The following ERI1 variants were observed in gnomAD, a reference collection of about 807,000 sequenced individuals.
ERI1 encodes the protein exoribonuclease 1.
Under a neutral mutation model 39.7 loss-of-function variants are expected in ERI1, and 39 were observed. The ratio of observed to expected loss-of-function variants is 0.98; its 90% CI spans 0.76 to 1.28. The LOEUF (loss-of-function observed/expected upper bound fraction) is 1.28, where lower values mean the gene tolerates loss of function less well. Ranked by LOEUF, ERI1 falls within the 50% of genes most tolerant of loss-of-function variation. ERI1 has a pLI of 0.00. For missense variants in ERI1, 581 were observed against 416.9 expected (o/e 1.39, Z -3.43); for synonymous variants, 204 against 149.6 (o/e 1.36, Z -2.65).
At chr8:9,014,001 A>C (rs997689513) in intron 3 of ERI1, among the ~76,000 whole-genome samples, 5 of 152,166 alleles carry the variant, frequency 3.3e-5, no homozygotes, top group Admixed American at 2.6e-4. Context: ...ACCAGTTCTC[A>C]AAAAACTGGC....
chr8:9,066,636 A>G (rs1485142145), intron 3 of ERI1, among the ~76,000 whole-genome samples: 2 of 152,236 alleles, frequency 1.3e-5, no homozygotes, highest in Non-Finnish European at 2.9e-5. Flanking sequence ...ATGTTCAGTT[A>G]TGAGTGCCGG....
At chr8:9,045,961 G>A (rs1231440110) in intron 3 of ERI1, among the ~76,000 whole-genome samples, 1 of 152,176 alleles carries the variant, frequency 6.6e-6, no homozygotes, top group Non-Finnish European at 1.5e-5. Flanking sequence ...TTACAGGTGT[G>A]AGCCACTGCA....
intron 3 of ERI1, among the ~76,000 whole-genome samples, chr8:9,083,947 C>T (rs1481219015): frequency 6.6e-6 from 1 of 152,178 alleles, no homozygotes; most frequent in Non-Finnish European, 1.5e-5. Context: ...GCACCTGCCA[C>T]CATGCCCGGC....
At chr8:9,098,735 T>A (rs968832306) in intron 3 of ERI1, among the ~76,000 whole-genome samples, 5 of 151,422 alleles carry the variant, frequency 3.3e-5, no homozygotes, top group South Asian at 4.1e-4. Flanking sequence ...AAAAAAAAAT[T>A]TTTAATAAAG....
rs777190394 is a variant in ERI1 at position 9,018,291 on chromosome 8, C to T, written c.583-6C>T. 52 of 1,574,994 alleles carry T rather than the reference C, an allele frequency of 3.3e-5. No individual in the cohort carries two copies. Among genetic ancestry groups the T allele is most frequent in the South Asian group, 1.4e-4 (13 of 89,660 alleles). ...ATTTTTGTATATTTTACTTTTATAT[C>T]CTCAGGATCAGGTAGACAGAGCTGA... On this transcript the variant is annotated splice_polypyrimidine_tract_variant and splice_region_variant and intron_variant, in intron 4 of 6. Coordinates refer to ENST00000250263, the MANE Select transcript of ERI1 (RefSeq NM_153332.4).
intron 3 of ERI1, among the ~76,000 whole-genome samples, chr8:9,049,336 CAAAAAAAAAAAAAAAA>C (rs3989371): frequency 1.2e-4 from 4 of 33,228 alleles, no homozygotes; most frequent in Non-Finnish European, 1.6e-4. Flanking sequence ...ACTCCGTCTC[CAAAAAAAAAAAAAAAA>C]AAAAAAAAAA....
At chr8:9,094,530 C>G (rs1021938090) in intron 3 of ERI1, among the ~76,000 whole-genome samples, 2 of 152,188 alleles carry the variant, frequency 1.3e-5, no homozygotes, top group African/African-American at 4.8e-5. Context: ...GCTCTGTTCC[C>G]TCTCCTTCTC....
intron 3 of ERI1, among the ~76,000 whole-genome samples, chr8:9,093,162 C>G (rs1799761473): frequency 6.6e-6 from 1 of 152,180 alleles, no homozygotes; most frequent in Non-Finnish European, 1.5e-5. Context: ...GGTGACCAAT[C>G]TTTTGACTTC....
intron 1 of ERI1, among the ~76,000 whole-genome samples, chr8:9,004,768 C>G (rs1006057827): frequency 0.088 from 13 of 148 alleles, no homozygotes; most frequent in African/African-American, 0.3. Context: ...CTTACTGCAA[C>G]CTCCCGCCTC....
In ERI1 at chr8:9,032,936, G is replaced by GTTCT. The variant is rs1563343564; in HGVS notation, c.*2902_*2903insTTCT. ...GACTTTCCATTTCTAAGCTACCATG[G>GTTCT]AGAAGTATATGCTCCTCGAGACCAG... On this transcript the variant is annotated 3_prime_UTR_variant, in exon 7 of 7. Coordinates refer to ENST00000250263, the MANE Select transcript of ERI1 (RefSeq NM_153332.4). 6.6e-6 allele frequency: 1 copy of GTTCT among 152,208 alleles called. No homozygotes were observed. Among genetic ancestry groups the GTTCT allele is most frequent in the African/African-American group, 2.4e-5 (1 of 41,448 alleles). 9.4% of individuals were successfully genotyped at this position (152,208 alleles called of 1,614,324 possible).
At chr8:9,012,844 C>T (rs963240072) in intron 3 of ERI1, among the ~76,000 whole-genome samples, 1 of 152,160 alleles carries the variant, frequency 6.6e-6, no homozygotes, top group African/African-American at 2.4e-5. Flanking sequence ...AAATTCTTCA[C>T]TTAAGTTATA....
rs765472746 is a variant in ERI1, at chr8:9,011,555, G to A, written c.301G>A (p.Val101Ile). The change falls in exon 3 of 7, where the codon GTT becomes ATT. Residue 101 changes from valine (V) to isoleucine (I), a missense_variant. Val to Ile is a conservative substitution (Grantham distance 29). Coordinates refer to ENST00000250263, the MANE Select transcript of ERI1 (RefSeq NM_153332.4). Reference protein sequence around the residue: ...FKLETRGVKDVLKKRLKNYYK... With the variant: ...FKLETRGVKDILKKRLKNYYK... ...TCTTCTACTTAGAGGAGTAAAGGAT[G>A]TTCTAAAGAAGAGACTGAAAAACTA... 1 of 1,606,904 alleles carries A rather than the reference G, an allele frequency of 6.2e-7. No individual in the cohort carries two copies. Among genetic ancestry groups the A allele is most frequent in the Non-Finnish European group, 8.5e-7 (1 of 1,176,632 alleles).
intron 2 of ERI1, among the ~76,000 whole-genome samples, chr8:9,009,916 A>G (rs768107376): frequency 6.6e-6 from 1 of 152,258 alleles, no homozygotes; most frequent in African/African-American, 2.4e-5. Context: ...GATAGGTTGT[A>G]GCCAAGTTGT....
At chr8:9,071,740 A>T (rs1226681909) in intron 3 of ERI1, among the ~76,000 whole-genome samples, 1 of 152,218 alleles carries the variant, frequency 6.6e-6, no homozygotes, top group African/African-American at 2.4e-5. Context: ...TTGAGCTCCA[A>T]CAGAGCAAGG....
intron 3 of ERI1, among the ~76,000 whole-genome samples, chr8:9,039,379 T>C (rs897283309): frequency 6.6e-6 from 1 of 152,192 alleles, no homozygotes; most frequent in Admixed American, 6.5e-5. Context: ...ATCCATGTCA[T>C]GAATCAAATC....
chr8:9,064,625 G>A (rs1275512655), intron 3 of ERI1, among the ~76,000 whole-genome samples: 4 of 152,220 alleles, frequency 2.6e-5, no homozygotes, highest in Admixed American at 2.6e-4. Context: ...TTGGAGAAGA[G>A]AGTAAGAAGA....
At chr8:9,093,649 C>G (rs1021470900) in intron 3 of ERI1, among the ~76,000 whole-genome samples, 6 of 152,216 alleles carry the variant, frequency 3.9e-5, no homozygotes, top group Admixed American at 6.5e-5. Context: ...CTCACTGCAA[C>G]CTCTGCCTCC....
downstream of ERI1, among the ~76,000 whole-genome samples, chr8:9,033,723 A>C (rs1320148721): frequency 6.6e-6 from 1 of 152,208 alleles, no homozygotes; most frequent in African/African-American, 2.4e-5. Flanking sequence ...AAGTTTAAGT[A>C]GTGGGAGCTG....
chr8:9,029,445 C>T (rs985646098), intron 6 of ERI1, among the ~76,000 whole-genome samples: 2 of 152,168 alleles, frequency 1.3e-5, no homozygotes, highest in African/African-American at 4.8e-5. Context: ...TCTCCTGCCT[C>T]AGCCTCCCAG....
Sources: gnomAD v4.1 joint callset for allele counts (sites outside exome capture counted in the v4.1 genomes callset) on GRCh38, gnomAD v4.1.1 for gene constraint, MANE v1.5 for transcripts, NCBI Gene and HGNC (gene_info 2026-07-23, HGNC 2026-07-21) for gene names.